The following CALN1 variants were observed in gnomAD, a reference collection of about 807,000 sequenced individuals.
CALN1 encodes calneuron 1.
CALN1 carries 17 observed loss-of-function variants against 30.6 expected under a neutral mutation model. The ratio of observed to expected loss-of-function variants is 0.56; its 90% CI spans 0.38 to 0.83. The LOEUF is 0.83. Among genes scored for constraint, CALN1 ranks in the 40% least tolerant of loss-of-function variants. The pLI, the probability that CALN1 is intolerant of heterozygous loss-of-function variation, is 0.00. For synonymous variants in CALN1, 156 were observed against 131.4 expected (o/e 1.19, Z -1.28); for missense variants, 291 against 354.9 (o/e 0.82, Z 1.45).
At chr7:72,179,051 G>A (rs1789570713) in intron 3 of CALN1, among the ~76,000 whole-genome samples, 2 of 152,112 alleles carry the variant, frequency 1.3e-5, no homozygotes, top group Admixed American at 1.3e-4. Context: ...ATTAGCAAAG[G>A]TAAAACTTAG....
At chr7:71,920,327 GTTC>G (rs1158155452) in intron 5 of CALN1, among the ~76,000 whole-genome samples, 9 of 127,416 alleles carry the variant, frequency 7.1e-5, no homozygotes, top group South Asian at 2.5e-4. Flanking sequence ...GGACAAATTA[GTTC>G]TTTTTTTTTT....
intron 2 of CALN1, among the ~76,000 whole-genome samples, chr7:72,367,679 A>G (rs1409602687): frequency 1.3e-5 from 2 of 152,098 alleles, no homozygotes; most frequent in Admixed American, 6.6e-5. Context: ...AAAAATAAAA[A>G]TAAAAATTAG....
At chr7:71,884,332 T>A (rs543394870) in intron 5 of CALN1, among the ~76,000 whole-genome samples, 21 of 152,024 alleles carry the variant, frequency 1.4e-4, no homozygotes, top group Non-Finnish European at 2.6e-4. Context: ...CTGGAGGAGG[T>A]CCAGAATCTT....
At chr7:72,119,521 A>C (rs1057407931) in intron 3 of CALN1, among the ~76,000 whole-genome samples, 2 of 151,986 alleles carry the variant, frequency 1.3e-5, no homozygotes, top group Admixed American at 6.5e-5. Context: ...AGAAAGGAAA[A>C]AAAAAAACCA....
At chr7:72,119,106 C>A (rs149415561) in intron 3 of CALN1, among the ~76,000 whole-genome samples, 1 of 152,106 alleles carries the variant, frequency 6.6e-6, no homozygotes, top group South Asian at 2.1e-4. Flanking sequence ...ATTTTCTTTG[C>A]TCATGGGTAT....
chr7:72,081,586 C>T (rs1805149778), intron 4 of CALN1, among the ~76,000 whole-genome samples: 1 of 152,088 alleles, frequency 6.6e-6, no homozygotes, highest in Non-Finnish European at 1.5e-5. Context: ...CCATGCCGAG[C>T]TAGTTTTTAT....
the CALN1 span, among the ~76,000 whole-genome samples, chr7:72,453,633 T>G: frequency 2.0e-5 from 3 of 152,336 alleles, no homozygotes; most frequent in South Asian, 6.2e-4. Context: ...AGCTTTCCAG[T>G]TCCTGTGCAA....
chr7:72,043,362 A>G (rs1397190961), intron 4 of CALN1, among the ~76,000 whole-genome samples: 1 of 152,238 alleles, frequency 6.6e-6, no homozygotes, highest in Non-Finnish European at 1.5e-5. Context: ...GGAGCAGAAC[A>G]ACAAGCACAA....
At chr7:72,217,679 A>C (rs1792933776) in intron 3 of CALN1, among the ~76,000 whole-genome samples, 2 of 151,934 alleles carry the variant, frequency 1.3e-5, no homozygotes, top group Admixed American at 6.6e-5. Flanking sequence ...AAACTTGGTG[A>C]CCTTAAATAT....
intron 3 of CALN1, among the ~76,000 whole-genome samples, chr7:72,139,700 T>C (rs1057187161): frequency 6.6e-6 from 1 of 152,020 alleles, no homozygotes; most frequent in South Asian, 2.1e-4. Context: ...GCCATGTCCA[T>C]CCTCTTCTAA....
chr7:72,009,028 C>T (rs1799930584), intron 5 of CALN1, among the ~76,000 whole-genome samples: 1 of 152,028 alleles, frequency 6.6e-6, no homozygotes, highest in Non-Finnish European at 1.5e-5. Context: ...GAATTGGTAA[C>T]CTGAAGATAA....
At chr7:72,320,130 T>C (rs542545798) in intron 2 of CALN1, among the ~76,000 whole-genome samples, 14 of 151,812 alleles carry the variant, frequency 9.2e-5, no homozygotes, top group South Asian at 8.3e-4. Flanking sequence ...CGAGACTCCA[T>C]CTCATAAAAA....
chr7:72,393,963 G>A (rs1392075473), intron 2 of CALN1, among the ~76,000 whole-genome samples: 1 of 152,138 alleles, frequency 6.6e-6, no homozygotes, highest in Admixed American at 6.5e-5. Flanking sequence ...TCATCAAGTT[G>A]TGGCATGTTT....
intron 5 of CALN1, among the ~76,000 whole-genome samples, chr7:72,020,151 C>A: frequency 6.6e-6 from 1 of 152,190 alleles, no homozygotes; most frequent in East Asian, 1.9e-4. Flanking sequence ...CCTCAAACTC[C>A]TGGCCTCAAG....
chr7:72,194,984 G>C (rs935468144), intron 3 of CALN1, among the ~76,000 whole-genome samples: 13 of 152,174 alleles, frequency 8.5e-5, no homozygotes, highest in African/African-American at 3.1e-4. Flanking sequence ...TAATATACAA[G>C]ACACTTTATG....
chr7:71,861,215 C>T (rs1196395381), intron 5 of CALN1, among the ~76,000 whole-genome samples: 3 of 151,916 alleles, frequency 2.0e-5, no homozygotes, highest in Non-Finnish European at 4.4e-5. Context: ...TACGCTTATG[C>T]AAGTATAAGC....
chr7:72,440,601 C>A (rs35218645), intron 1 of CALN1, among the ~76,000 whole-genome samples: 2 of 151,860 alleles, frequency 1.3e-5, no homozygotes, highest in African/African-American at 4.8e-5. Flanking sequence ...CTGAGGCAGG[C>A]GGATCACTTG....
At chr7:72,352,303 C>T (rs1455125437) in intron 2 of CALN1, among the ~76,000 whole-genome samples, 6 of 148,246 alleles carry the variant, frequency 4.0e-5, no homozygotes, top group Non-Finnish European at 7.4e-5. Context: ...GCAGGAGAAT[C>T]GCTTGAACCT....
At position 71,922,637 on chromosome 7, in the gene CALN1, A is replaced by AACAC. The variant is rs1466345517; in HGVS notation, c.501+101019_501+101020insGTGT. Among the ~76,000 whole-genome samples the AACAC allele has an allele frequency of 4.5e-3, 599 of 133,190 alleles. 19 individuals are homozygous for AACAC. Among genetic ancestry groups the AACAC allele is most frequent in the African/African-American group, 0.017 (534 of 31,730 alleles). 87.4% of individuals were successfully genotyped at this position (133,190 alleles called of 152,430 possible). On this transcript the variant is annotated intron_variant, in intron 5 of 6. Coordinates refer to ENST00000395275, the MANE Select transcript of CALN1 (RefSeq NM_031468.4). ...CAGAATATATTATATATAAATATATAACAGAATATATTATATATAAATATA... is the reference window on the plus strand; with the variant it reads ...CAGAATATATTATATATAAATATATAACACACAGAATATATTATATATAAATATA...
Sources: gnomAD v4.1 joint callset for allele counts (sites outside exome capture counted in the v4.1 genomes callset) on GRCh38, gnomAD v4.1.1 for gene constraint, MANE v1.5 for transcripts, NCBI Gene and HGNC (gene_info 2026-07-23, HGNC 2026-07-21) for gene names.